The following SCYL2 variants were observed in gnomAD, a reference collection of about 807,000 sequenced individuals.
The protein encoded by SCYL2 is SCY1 like pseudokinase 2.
Under a neutral mutation model 100.4 loss-of-function variants are expected in SCYL2, and 36 were observed. The ratio of observed to expected loss-of-function variants is 0.36; its 90% confidence interval spans 0.27 to 0.47. The LOEUF (loss-of-function observed/expected upper bound fraction) is 0.47. Ranked by LOEUF, SCYL2 falls within the 20% of genes least tolerant of loss-of-function variation. The pLI is 1.00. For synonymous variants in SCYL2, 330 were observed against 359.2 expected, an observed-to-expected ratio of 0.92 and a Z score of 0.92; for missense variants, 902 against 1,083.9, an observed-to-expected ratio of 0.83 and a Z score of 2.36.
At chr12:100,294,687 C>T (rs1233097764) in intron 3 of SCYL2, among the ~76,000 whole-genome samples, 2 of 120,858 alleles carry the variant, frequency 1.7e-5, no homozygotes, top group South Asian at 2.8e-4. Flanking sequence ...GGTGGCTGGC[C>T]GGGCGGGGGG....
intron 8 of SCYL2, 148 bp from the exon 9 acceptor site, chr12:100,315,410 C>A: frequency 1.6e-6 from 1 of 606,444 alleles, no homozygotes; most frequent in Non-Finnish European, 2.6e-6. Context: ...TAGCATCCCA[C>A]TTTACTCTGA....
intron 7 of SCYL2, among the ~76,000 whole-genome samples, chr12:100,313,808 C>T (rs1048626959): frequency 2.0e-5 from 3 of 151,726 alleles, no homozygotes; most frequent in Non-Finnish European, 2.9e-5. Context: ...TGCTAACAGT[C>T]ACAATTAAGT....
chr12:100,293,221 A>G (rs1335556414), intron 3 of SCYL2, among the ~76,000 whole-genome samples: 1 of 152,124 alleles, frequency 6.6e-6, no homozygotes. Flanking sequence ...CCTATCAAGT[A>G]GCTGGGACCA....
At chr12:100,284,685 A>G (rs528857205) in intron 2 of SCYL2, among the ~76,000 whole-genome samples, 61 of 151,818 alleles carry the variant, frequency 4.0e-4, no homozygotes, top group African/African-American at 1.3e-3. Flanking sequence ...CTGCTCTCGA[A>G]CTCCTGACCT....
At chr12:100,276,843 AC>A (rs2135807517) in intron 1 of SCYL2, among the ~76,000 whole-genome samples, 1 of 152,054 alleles carries the variant, frequency 6.6e-6, no homozygotes, top group South Asian at 2.1e-4. Context: ...GGAAGCTTAG[AC>A]CATTATTTTG....
chr12:100,322,475 G>A lies in SCYL2; in HGVS notation c.1396-1050G>A, dbSNP rs117571333. Among the ~76,000 whole-genome samples, 329 of 151,546 alleles carry A rather than the reference G, an allele frequency of 2.2e-3. 5 individuals carry two copies. In the East Asian group the frequency reaches 0.036, roughly 17 times the overall value. On this transcript the variant is annotated intron_variant, in intron 10 of 17. Coordinates refer to ENST00000360820, the MANE Select transcript of SCYL2 (RefSeq NM_017988.6). ...TAAAAATTATTAAACACTCTTTTAA[G>A]GCTGGTCTCAGTGGTTCATGCCTAT...
intron 3 of SCYL2, among the ~76,000 whole-genome samples, chr12:100,297,475 A>G (rs970964008): frequency 1.3e-5 from 2 of 152,230 alleles, no homozygotes; most frequent in Non-Finnish European, 1.5e-5. Context: ...AAAAAATTTA[A>G]TAACTGTGAC....
In SCYL2 at chr12:100,334,227, C is replaced by G. The variant is rs1269351099; in HGVS notation, c.1823C>G (p.Thr608Ser). The change falls in exon 14 of 18, where the codon ACT becomes AGT. Residue 608 changes from threonine (T) to serine (S), a missense_variant. Thr to Ser is a moderately conservative substitution (Grantham distance 58, BLOSUM62 1). Coordinates refer to ENST00000360820, the MANE Select transcript of SCYL2 (RefSeq NM_017988.6). ...MLNRLESEHK[T>S]KLEQLHIMQE... ...AATAGATTGGAGTCTGAACATAAGA[C>G]TAAACTGGAGCAACTTCATATAATG... The G allele has an allele frequency of 6.2e-7, 1 of 1,604,994 alleles. No individual in the cohort carries two copies. The highest frequency in any genetic ancestry group is 8.5e-7 in the Non-Finnish European group (1 of 1,175,452).
At chr12:100,302,568 A>G (rs1055511887) in intron 4 of SCYL2, among the ~76,000 whole-genome samples, 3 of 152,204 alleles carry the variant, frequency 2.0e-5, no homozygotes, top group Admixed American at 2.0e-4. Context: ...TTCTTTAAGA[A>G]TATTGAATAT....
At chr12:100,288,026 TAGC>T (rs972326395) in intron 2 of SCYL2, among the ~76,000 whole-genome samples, 1 of 152,172 alleles carries the variant, frequency 6.6e-6, no homozygotes, top group African/African-American at 2.4e-5. Context: ...TGATGTGTGT[TAGC>T]AGAGTGGGTA....
chr12:100,276,702 T>A (rs2096292858), intron 1 of SCYL2, among the ~76,000 whole-genome samples: 1 of 152,156 alleles, frequency 6.6e-6, no homozygotes, highest in South Asian at 2.1e-4. Context: ...AAACTTTTTT[T>A]TTACTTCATT....
chr12:100,317,951 T>C, intron 10 of SCYL2, 26 bp downstream of exon 10: 1 of 1,524,414 alleles, frequency 6.6e-7, no homozygotes, highest in Non-Finnish European at 8.8e-7. Context: ...TGTTTTTCTT[T>C]AATGATGATT....
chr12:100,307,757 C>T (rs2096336437), intron 4 of SCYL2, among the ~76,000 whole-genome samples: 1 of 152,092 alleles, frequency 6.6e-6, no homozygotes, highest in African/African-American at 2.4e-5. Flanking sequence ...TGACAAAGGG[C>T]TAATATCCAG....
At chr12:100,293,930 T>G (rs943785066) in intron 3 of SCYL2, among the ~76,000 whole-genome samples, 84 of 152,112 alleles carry the variant, frequency 5.5e-4, no homozygotes, top group Non-Finnish European at 4.6e-4. Context: ...GTCTACTTCT[T>G]TCTACACAGA....
intron 10 of SCYL2, among the ~76,000 whole-genome samples, chr12:100,322,073 C>G (rs766589697): frequency 3.4e-5 from 5 of 147,822 alleles, no homozygotes; most frequent in Non-Finnish European, 6.0e-5. Context: ...AAAAAAAACC[C>G]AAGAAAACTA....
In SCYL2 at chr12:100,320,046, G is replaced by A. The variant is rs80342546; in HGVS notation, c.1395+2121G>A. ...ATTCTTAAAAAGAGGCATTATAAAC[G>A]TGTATCAGACACAATTTTTGAAAAT... On this transcript the variant is annotated intron_variant, in intron 10 of 17. Coordinates refer to ENST00000360820, the MANE Select transcript of SCYL2 (RefSeq NM_017988.6). 5.6e-3 allele frequency among the ~76,000 whole-genome samples: 853 copies of A among 152,242 alleles called. 8 individuals are homozygous for A. The highest frequency in any genetic ancestry group is 0.019 in the African/African-American group (775 of 41,536).
At chr12:100,309,151 G>A (rs1231512229) in intron 4 of SCYL2, among the ~76,000 whole-genome samples, 1 of 151,098 alleles carries the variant, frequency 6.6e-6, no homozygotes, top group East Asian at 1.9e-4. Flanking sequence ...CGTGTGTGCA[G>A]CTAGTTTTTA....
chr12:100,341,572 A>T lies in SCYL2; in HGVS notation c.*2400A>T, dbSNP rs1213351255. Reference sequence around the variant, plus strand: ...TGGAATGCTTATAAGCCTCCTTTACACTGAATAAGGAAGTAGTTTTTGTTT... The same window carrying T: ...TGGAATGCTTATAAGCCTCCTTTACTCTGAATAAGGAAGTAGTTTTTGTTT... On this transcript the variant is annotated 3_prime_UTR_variant, in exon 18 of 18. Transcript: ENST00000360820. 6.6e-6 allele frequency: 1 copy of T among 152,110 alleles called. No individual in the cohort carries two copies. Among genetic ancestry groups the T allele is most frequent in the Non-Finnish European group, 1.5e-5 (1 of 68,020 alleles). 9.4% of individuals were successfully genotyped at this position (152,110 alleles called of 1,614,324 possible).
rs1443310994 is a variant in SCYL2 at position 100,326,715 on chromosome 12, A to T, written c.1603A>T (p.Ile535Phe). The change falls in exon 12 of 18, where the codon ATT becomes TTT. Residue 535 changes from isoleucine (I) to phenylalanine (F), a missense_variant. By Grantham distance (21) the Ile-to-Phe change is conservative (BLOSUM62 0). Coordinates refer to ENST00000360820, the MANE Select transcript of SCYL2 (RefSeq NM_017988.6). ...LDDILPFLQQIPSKEPAVLMG... is the reference protein window; with the variant it reads ...LDDILPFLQQFPSKEPAVLMG... ...TGATATCCTACCCTTCTTACAACAA[A>T]TTCCATCCAAGGAACCTGCGGTCCT... 1.2e-6 allele frequency: 2 copies of T among 1,611,738 alleles called. No homozygotes were observed. The highest frequency in any genetic ancestry group is 2.2e-5 in the South Asian group (2 of 90,308).
Sources: allele counts gnomAD v4.1 joint callset (sites outside exome capture counted in the v4.1 genomes callset), GRCh38; gene constraint gnomAD v4.1.1; transcripts MANE v1.5; gene names NCBI Gene and HGNC (gene_info 2026-07-23, HGNC 2026-07-21).